The following ANK2 variants were observed in gnomAD, a reference collection of about 807,000 sequenced individuals.
The protein encoded by ANK2 is ankyrin 2.
ANK2 carries 83 observed loss-of-function variants against 360.5 expected under a neutral mutation model. That is an observed-to-expected ratio of 0.23 (90% CI 0.19 to 0.28). The LOEUF is 0.28. Ranked by LOEUF, ANK2 falls within the 10% of genes least tolerant of loss-of-function variation. The probability of loss-of-function intolerance (pLI) is 1.00; values close to 1 mark genes in which losing one functional copy is unlikely to be tolerated. For missense variants in ANK2, 4,201 were observed against 4,795.7 expected (o/e 0.88, Z 3.66); for synonymous variants, 1,740 against 1,759.5 (o/e 0.99, Z 0.28).
At chr4:113,006,694 C>A (rs555105092) in intron 2 of ANK2, among the ~76,000 whole-genome samples, 3 of 152,126 alleles carry the variant, frequency 2.0e-5, no homozygotes, top group Admixed American at 6.5e-5. Context: ...TTATTTGTAA[C>A]TGGGTTAATG....
chr4:113,260,510 A>C (rs1419938272), intron 13 of ANK2, among the ~76,000 whole-genome samples: 1 of 152,168 alleles, frequency 6.6e-6, no homozygotes, highest in Non-Finnish European at 1.5e-5. Context: ...CGTGTTTTCT[A>C]GTTATGTTTT....
At chr4:113,047,578 T>C (rs374529424), upstream of ANK2, among the ~76,000 whole-genome samples, 78 of 151,746 alleles carry the variant, frequency 5.1e-4, 4 homozygotes, top group South Asian at 0.011. Context: ...GAGCAGGTGG[T>C]TGGGGAGTAG....
intron 2 of ANK2, among the ~76,000 whole-genome samples, chr4:112,925,425 AT>A (rs1421913657): frequency 1.3e-5 from 2 of 152,230 alleles, no homozygotes; most frequent in Non-Finnish European, 2.9e-5. Flanking sequence ...TTTTAGAAAT[AT>A]GCATGTTTCC....
At chr4:113,294,238 A>T (rs1422670853) in intron 22 of ANK2, among the ~76,000 whole-genome samples, 1 of 152,166 alleles carries the variant, frequency 6.6e-6, no homozygotes, top group Admixed American at 6.5e-5. Flanking sequence ...CTCCTGTACC[A>T]TTCAGTGGGA....
chr4:113,289,425 T>C (rs1312213935), intron 20 of ANK2, among the ~76,000 whole-genome samples: 37 of 152,096 alleles, frequency 2.4e-4, no homozygotes, highest in Non-Finnish European at 1.5e-4. Context: ...CCTAGGCTGG[T>C]CTCGAACTCC....
At chr4:112,748,506 C>T in the ANK2 span, among the ~76,000 whole-genome samples, 3 of 152,252 alleles carry the variant, frequency 2.0e-5, no homozygotes, top group African/African-American at 7.2e-5. Context: ...TCACCTTTAC[C>T]TGATTTTTTT....
In ANK2 at chr4:113,371,264, G is replaced by A. The variant is rs571278070; in HGVS notation, c.11610+1459G>A. Among the ~76,000 whole-genome samples, 356 of 152,236 alleles carry A rather than the reference G, an allele frequency of 2.3e-3. 1 individual carries two copies. Among genetic ancestry groups the A allele is most frequent in the Non-Finnish European group, 4.2e-3 (286 of 68,018 alleles). On this transcript the variant is annotated intron_variant, in intron 43 of 45. Transcript: ENST00000357077. ...TGAAATCACAACTAAAATTAGGAAA[G>A]ATCCAGGCAGATGAGAACTGTGTCC...
At chr4:112,709,764 A>AAAAAGAAG in the ANK2 span, among the ~76,000 whole-genome samples, 1 of 152,166 alleles carries the variant, frequency 6.6e-6, no homozygotes, top group Admixed American at 6.5e-5. Context: ...AAAAAAAGAA[A>AAAAAGAAG]AGATATGGTG....
chr4:112,854,042 A>G (rs1016999175), intron 1 of ANK2, among the ~76,000 whole-genome samples: 1 of 152,216 alleles, frequency 6.6e-6, no homozygotes, highest in African/African-American at 2.4e-5. Context: ...ATGTACCTGT[A>G]AGAAAATAAG....
chr4:112,939,780 G>T (rs2094065058), intron 2 of ANK2, among the ~76,000 whole-genome samples: 1 of 152,140 alleles, frequency 6.6e-6, no homozygotes, highest in African/African-American at 2.4e-5. Context: ...ATCTTTCCAT[G>T]TGTTCTTCCT....
At chr4:113,038,772 A>G (rs1330022649) in intron 2 of ANK2, among the ~76,000 whole-genome samples, 1 of 152,060 alleles carries the variant, frequency 6.6e-6, no homozygotes, top group East Asian at 1.9e-4. Context: ...AAACCACCAT[A>G]CAGTGAAAAC....
At chr4:113,253,182 ACTTT>A (rs1210541945) in intron 10 of ANK2, among the ~76,000 whole-genome samples, 1 of 151,956 alleles carries the variant, frequency 6.6e-6, no homozygotes, top group Non-Finnish European at 1.5e-5. Context: ...TTCTCAAAAC[ACTTT>A]CTTTATTTAC....
intron 1 of ANK2, among the ~76,000 whole-genome samples, chr4:112,866,896 T>C (rs1220149258): frequency 6.6e-6 from 1 of 152,158 alleles, no homozygotes; most frequent in Non-Finnish European, 1.5e-5. Context: ...TATTTCCTTG[T>C]ATCAAATCTT....
chr4:113,247,004 A>T (rs1372832428), intron 9 of ANK2, among the ~76,000 whole-genome samples: 1 of 149,038 alleles, frequency 6.7e-6, no homozygotes, highest in Non-Finnish European at 1.5e-5. Flanking sequence ...ACTTCAGAAT[A>T]CATTGTTGAA....
chr4:113,209,266 T>C (rs1390133370), intron 4 of ANK2, among the ~76,000 whole-genome samples: 1 of 151,922 alleles, frequency 6.6e-6, no homozygotes, highest in Non-Finnish European at 1.5e-5. Flanking sequence ...GTAGTAGCCC[T>C]TGGAGAAAAT....
intron 9 of ANK2, among the ~76,000 whole-genome samples, chr4:113,248,452 G>A (rs1450109948): frequency 6.6e-6 from 1 of 152,056 alleles, no homozygotes; most frequent in African/African-American, 2.4e-5. Context: ...GGATTTGGGA[G>A]GTCTCTCGAA....
the ANK2 span, chr4:112,788,504 T>A: frequency 9.5e-6 from 15 of 1,580,452 alleles, no homozygotes; most frequent in South Asian, 1.7e-4. Flanking sequence ...GGTGGGGACG[T>A]CCCCTTTGCC....
chr4:113,184,760 C>T (rs991883066), intron 2 of ANK2, among the ~76,000 whole-genome samples: 2 of 151,848 alleles, frequency 1.3e-5, no homozygotes, highest in East Asian at 1.9e-4. Context: ...GCAGAACGTG[C>T]AGGTTTGTTA....
intron 2 of ANK2, among the ~76,000 whole-genome samples, chr4:112,929,328 A>T (rs905654478): frequency 6.6e-6 from 1 of 152,228 alleles, no homozygotes; most frequent in Non-Finnish European, 1.5e-5. Context: ...TACTTCTCTT[A>T]TTGGCTTGAA....
Sources: gnomAD v4.1 joint callset for allele counts (sites outside exome capture counted in the v4.1 genomes callset) on GRCh38, gnomAD v4.1.1 for gene constraint, MANE v1.5 for transcripts, NCBI Gene and HGNC (gene_info 2026-07-23, HGNC 2026-07-21) for gene names.